Variants in HS6ST3 observed in about 807,000 individuals in gnomAD.
HS6ST3 encodes the protein heparan sulfate 6-O-sulfotransferase 3.
In HS6ST3, 12 loss-of-function variants were observed where a neutral mutation model predicts 36.7. The ratio of observed to expected loss-of-function variants is 0.33; its 90% confidence interval spans 0.21 to 0.53. The LOEUF is 0.53. HS6ST3 is among the 20% of genes least tolerant of loss of function. The pLI is 0.95. For synonymous variants in HS6ST3, 240 were observed against 257.5 expected (o/e 0.93, Z 0.65); for missense variants, 584 against 640.9 (o/e 0.91, Z 0.96).
intron 1 of HS6ST3, among the ~76,000 whole-genome samples, chr13:96,126,901 C>A (rs1376615996): frequency 6.6e-6 from 1 of 152,058 alleles, no homozygotes; most frequent in Non-Finnish European, 1.5e-5. Context: ...CTTTCCTCTA[C>A]CCCCAGCTCT....
chr13:96,471,909 A>C (rs1346337536), intron 1 of HS6ST3, among the ~76,000 whole-genome samples: 1 of 152,114 alleles, frequency 6.6e-6, no homozygotes, highest in Non-Finnish European at 1.5e-5. Flanking sequence ...GTAGGAGCTG[A>C]GGTTTGGCTC....
chr13:96,678,799 C>T (rs1252841301), intron 1 of HS6ST3, among the ~76,000 whole-genome samples: 1 of 152,074 alleles, frequency 6.6e-6, no homozygotes, highest in Non-Finnish European at 1.5e-5. Flanking sequence ...TGATTCACCT[C>T]ATTATTTGTG....
At chr13:96,219,174 C>T (rs751367208) in intron 1 of HS6ST3, among the ~76,000 whole-genome samples, 3 of 152,106 alleles carry the variant, frequency 2.0e-5, no homozygotes, top group African/African-American at 4.8e-5. Flanking sequence ...TGATCTCACT[C>T]CCTTTCACCT....
At chr13:96,392,730 A>C (rs2055402088) in intron 1 of HS6ST3, among the ~76,000 whole-genome samples, 1 of 152,210 alleles carries the variant, frequency 6.6e-6, no homozygotes, top group African/African-American at 2.4e-5. Flanking sequence ...GAAGAGCAGT[A>C]AGCATTGGGA....
intron 1 of HS6ST3, among the ~76,000 whole-genome samples, chr13:96,587,461 T>G (rs1290617799): frequency 6.6e-6 from 1 of 152,170 alleles, no homozygotes; most frequent in African/African-American, 2.4e-5. Flanking sequence ...AAAATAGGTT[T>G]CTTTACCTCA....
chr13:96,183,326 C>T (rs954096370), intron 1 of HS6ST3, among the ~76,000 whole-genome samples: 1 of 152,152 alleles, frequency 6.6e-6, no homozygotes, highest in African/African-American at 2.4e-5. Context: ...TAGGGTCCCA[C>T]ACCTGGAGAG....
intron 1 of HS6ST3, among the ~76,000 whole-genome samples, chr13:96,593,341 G>C (rs543320158): frequency 2.0e-5 from 3 of 150,598 alleles, no homozygotes; most frequent in East Asian, 2.0e-4. Flanking sequence ...ACACCACCAC[G>C]CCCAGCTAAT....
rs898468685 is a variant in HS6ST3, at chr13:96,428,205, C to T, written c.707+336636C>T. 8.6e-5 allele frequency among the ~76,000 whole-genome samples: 13 copies of T among 151,958 alleles called. No individual in the cohort carries two copies. The South Asian group carries it at 1.5e-3, about 17-fold the overall frequency. On this transcript the variant is annotated intron_variant, in intron 1 of 1. Transcript: ENST00000376705. ...TACTAAAAATACAAAAAAAATTAGCCGGGCATGGTGGCACATACCTGTAGT... is the reference window on the plus strand; with the variant it reads ...TACTAAAAATACAAAAAAAATTAGCTGGGCATGGTGGCACATACCTGTAGT...
At chr13:96,433,599 A>G (rs1172142117) in intron 1 of HS6ST3, among the ~76,000 whole-genome samples, 2 of 152,158 alleles carry the variant, frequency 1.3e-5, no homozygotes, top group Admixed American at 6.5e-5. Context: ...TTCCGCCATG[A>G]TTGTGAGGCT....
chr13:96,732,511 C>CT (rs1259887938), intron 1 of HS6ST3, among the ~76,000 whole-genome samples: 1 of 151,710 alleles, frequency 6.6e-6, no homozygotes, highest in Admixed American at 6.6e-5. Flanking sequence ...GTCTGTGTGT[C>CT]TTTTTTTAAT....
chr13:96,818,265 C>A (rs1405035184), intron 1 of HS6ST3, among the ~76,000 whole-genome samples: 1 of 152,162 alleles, frequency 6.6e-6, no homozygotes, highest in African/African-American at 2.4e-5. Context: ...ATTAATTAGG[C>A]AGAATTGCAG....
At chr13:96,283,657 A>G (rs975041515) in intron 1 of HS6ST3, among the ~76,000 whole-genome samples, 41 of 152,232 alleles carry the variant, frequency 2.7e-4, no homozygotes, top group African/African-American at 9.4e-4. Context: ...TTGTAATCTC[A>G]AAATAGATAT....
intron 1 of HS6ST3, among the ~76,000 whole-genome samples, chr13:96,529,798 T>C (rs1365665436): frequency 6.6e-6 from 1 of 152,212 alleles, no homozygotes; most frequent in African/African-American, 2.4e-5. Context: ...ATTATTTTCT[T>C]AGCATAAATT....
At chr13:96,726,913 G>A (rs1030145261) in intron 1 of HS6ST3, among the ~76,000 whole-genome samples, 3 of 152,010 alleles carry the variant, frequency 2.0e-5, no homozygotes, top group African/African-American at 7.2e-5. Flanking sequence ...TCAGGGCTCT[G>A]TTTTCAGTCC....
At chr13:96,631,734 A>C (rs1398122116) in intron 1 of HS6ST3, among the ~76,000 whole-genome samples, 1 of 152,238 alleles carries the variant, frequency 6.6e-6, no homozygotes, top group Non-Finnish European at 1.5e-5. Context: ...TAATATTGCA[A>C]AATTCTCAAA....
intron 1 of HS6ST3, among the ~76,000 whole-genome samples, chr13:96,536,032 A>C (rs1320481487): frequency 6.6e-6 from 1 of 152,218 alleles, no homozygotes; most frequent in Non-Finnish European, 1.5e-5. Flanking sequence ...CCAATTTAAA[A>C]ACTTATAGTC....
At chr13:96,796,575 G>A (rs1056069627) in intron 1 of HS6ST3, among the ~76,000 whole-genome samples, 3 of 152,066 alleles carry the variant, frequency 2.0e-5, no homozygotes, top group African/African-American at 7.2e-5. Flanking sequence ...CATGGGCTTT[G>A]GTGATGGAGA....
At chr13:96,234,125 A>G (rs1377638737) in intron 1 of HS6ST3, among the ~76,000 whole-genome samples, 1 of 151,806 alleles carries the variant, frequency 6.6e-6, no homozygotes, top group Admixed American at 6.6e-5. Flanking sequence ...GGAAAGAAAA[A>G]GAAGCCAGGC....
intron 1 of HS6ST3, among the ~76,000 whole-genome samples, chr13:96,807,324 C>T (rs1287725081): frequency 6.6e-6 from 1 of 152,166 alleles, no homozygotes; most frequent in Non-Finnish European, 1.5e-5. Context: ...GAATTTCTAA[C>T]CTCCAGTACC....
Sources: gnomAD v4.1 joint callset for allele counts (sites outside exome capture counted in the v4.1 genomes callset) on GRCh38, gnomAD v4.1.1 for gene constraint, MANE v1.5 for transcripts, NCBI Gene and HGNC (gene_info 2026-07-23, HGNC 2026-07-21) for gene names.